The following CREB5 variants were observed in gnomAD, a reference collection of about 807,000 sequenced individuals.
CREB5 encodes cyclic AMP-responsive element-binding protein 5.
In CREB5, 19 loss-of-function variants were observed where a neutral mutation model predicts 57.1. That is an observed-to-expected ratio of 0.33 (90% CI 0.23 to 0.49). CREB5 has a LOEUF of 0.49. Ranked by LOEUF, CREB5 falls within the 20% of genes least tolerant of loss-of-function variation. CREB5 has a pLI of 0.99. For missense variants in CREB5, 579 were observed against 671.6 expected, an observed-to-expected ratio of 0.86 and a Z score of 1.52; for synonymous variants, 238 against 238.3, an observed-to-expected ratio of 1.00 and a Z score of 0.01.
chr7:28,811,944 G>A (rs1474195351), intron 9 of CREB5, among the ~76,000 whole-genome samples: 1 of 152,218 alleles, frequency 6.6e-6, no homozygotes, highest in East Asian at 1.9e-4. Flanking sequence ...CAAACATGTA[G>A]GTTTTCTCAA....
intron 1 of CREB5, among the ~76,000 whole-genome samples, chr7:28,309,465 T>G (rs1253444799): frequency 6.6e-6 from 1 of 152,184 alleles, no homozygotes; most frequent in Non-Finnish European, 1.5e-5. Context: ...TCCACTTTCC[T>G]CTGTATTTCC....
intron 4 of CREB5, among the ~76,000 whole-genome samples, chr7:28,535,830 T>C (rs1302029682): frequency 1.3e-5 from 2 of 152,288 alleles, no homozygotes; most frequent in East Asian, 1.9e-4. Context: ...CTCCTTTTTT[T>C]CTCCTTGGTT....
intron 7 of CREB5, among the ~76,000 whole-genome samples, chr7:28,771,576 G>A (rs570737953): frequency 1.3e-5 from 2 of 152,238 alleles, no homozygotes; most frequent in South Asian, 4.1e-4. Context: ...TACGTGTGAG[G>A]AGCAGGGCAA....
At chr7:28,567,969 A>G (rs1795548300) in intron 4 of CREB5, among the ~76,000 whole-genome samples, 1 of 152,148 alleles carries the variant, frequency 6.6e-6, no homozygotes, top group Admixed American at 6.5e-5. Flanking sequence ...GCTGTGTGTA[A>G]TGTGATCACT....
At position 28,823,317 on chromosome 7, in the gene CREB5, CTATT is replaced by C. The variant is rs770191218; in HGVS notation, c.*4039_*4042del. On this transcript the variant is annotated 3_prime_UTR_variant, in exon 11 of 11. Transcript: ENST00000357727. ...ACCAAAGCAAAATTTGAACAGGAAT[CTATT>C]AATTTAGAATTTTATAAGATATTTA... 14 of 152,496 alleles carry C rather than the reference CTATT, an allele frequency of 9.2e-5. No homozygotes were observed. The highest frequency in any genetic ancestry group is 7.4e-5 in the Non-Finnish European group (5 of 68,016). 9.4% of individuals were successfully genotyped at this position (152,496 alleles called of 1,614,324 possible).
chr7:28,615,684 C>T (rs1334648231), intron 5 of CREB5: 1 of 152,270 alleles, frequency 6.6e-6, no homozygotes, highest in East Asian at 1.9e-4. Context: ...TTTTAGACTC[C>T]TCAATGGGCA....
At chr7:28,597,761 C>T (rs888488326) in intron 5 of CREB5, among the ~76,000 whole-genome samples, 2 of 152,102 alleles carry the variant, frequency 1.3e-5, no homozygotes, top group African/African-American at 4.8e-5. Flanking sequence ...TTTCTGGGTT[C>T]ACTTGGAGAG....
intron 5 of CREB5, among the ~76,000 whole-genome samples, chr7:28,589,590 A>G (rs1796423675): frequency 6.6e-6 from 1 of 152,144 alleles, no homozygotes; most frequent in African/African-American, 2.4e-5. Context: ...AACAGAGTTG[A>G]TATTTCTTTG....
intron 1 of CREB5, among the ~76,000 whole-genome samples, chr7:28,305,968 T>C (rs1328672304): frequency 6.6e-6 from 1 of 152,092 alleles, no homozygotes; most frequent in Admixed American, 6.5e-5. Flanking sequence ...TATGGACACG[T>C]GTACAGATTT....
At chr7:28,316,373 C>A (rs1172846429) in intron 1 of CREB5, among the ~76,000 whole-genome samples, 8 of 151,888 alleles carry the variant, frequency 5.3e-5, no homozygotes, top group African/African-American at 1.9e-4. Flanking sequence ...AAAAAGCTGG[C>A]CCGGGGACAC....
At chr7:28,348,038 G>T (rs1051173818) in intron 1 of CREB5, among the ~76,000 whole-genome samples, 1 of 152,118 alleles carries the variant, frequency 6.6e-6, no homozygotes, top group Non-Finnish European at 1.5e-5. Flanking sequence ...GTTCCCAGGT[G>T]TGAGCTATGA....
chr7:28,388,104 T>C (rs1053123906), intron 1 of CREB5, among the ~76,000 whole-genome samples: 1 of 152,196 alleles, frequency 6.6e-6, no homozygotes, highest in Non-Finnish European at 1.5e-5. Context: ...GGTGAGTTCC[T>C]AAGAGAGAAT....
chr7:28,592,636 C>T (rs1010313246), intron 5 of CREB5, among the ~76,000 whole-genome samples: 4 of 152,120 alleles, frequency 2.6e-5, no homozygotes, highest in Non-Finnish European at 5.9e-5. Flanking sequence ...AGAGTTCAAA[C>T]ATGCATGGAT....
At chr7:28,699,177 CT>C (rs768857495) in intron 5 of CREB5, among the ~76,000 whole-genome samples, 315 of 139,234 alleles carry the variant, frequency 2.3e-3, no homozygotes, top group African/African-American at 3.8e-3. Flanking sequence ...CTTTCTTCTT[CT>C]TTTTTTTTTT....
chr7:28,410,163 C>T (rs776930257), upstream of CREB5: 16 of 416,348 alleles, frequency 3.8e-5, no homozygotes, highest in South Asian at 2.8e-4. Context: ...GGGCGCGCGC[C>T]CGGGGAGGGG....
At chr7:28,341,866 C>A (rs1314802790) in intron 1 of CREB5, among the ~76,000 whole-genome samples, 1 of 152,140 alleles carries the variant, frequency 6.6e-6, no homozygotes, top group Non-Finnish European at 1.5e-5. Context: ...ACCTTTACCC[C>A]TTTCTTGAAA....
chr7:28,664,957 C>G (rs567519036), intron 5 of CREB5, among the ~76,000 whole-genome samples: 1 of 152,262 alleles, frequency 6.6e-6, no homozygotes, highest in South Asian at 2.1e-4. Flanking sequence ...TGATCTCAGG[C>G]TATTAAATAT....
chr7:28,571,138 G>A (rs1011050995), intron 5 of CREB5, among the ~76,000 whole-genome samples: 3 of 152,056 alleles, frequency 2.0e-5, no homozygotes, highest in Non-Finnish European at 4.4e-5. Flanking sequence ...TGGACAGGAG[G>A]GATGATTCAC....
rs975658656 is a variant in CREB5 at position 28,556,347 on chromosome 7, C to T, written c.292-14018C>T. Among the ~76,000 whole-genome samples the T allele has an allele frequency of 2.0e-5, 3 of 152,222 alleles. No homozygotes were observed. In the East Asian group the frequency reaches 5.8e-4, roughly 29 times the overall value. On this transcript the variant is annotated intron_variant, in intron 4 of 10. Coordinates refer to ENST00000357727, the MANE Select transcript of CREB5 (RefSeq NM_182898.4). ...TTAAAGTGAGACCTGGTTTTCAGGG[C>T]GTGTAACTGGGTTCAGAGGAGCCAC...
Sources: gnomAD v4.1 joint callset for allele counts (sites outside exome capture counted in the v4.1 genomes callset) on GRCh38, gnomAD v4.1.1 for gene constraint, MANE v1.5 for transcripts, NCBI Gene and HGNC (gene_info 2026-07-23, HGNC 2026-07-21) for gene names.